Variants in FUS observed in about 807,000 individuals in gnomAD.
The protein encoded by FUS is FUS RNA binding protein.
Under a neutral mutation model 82.7 loss-of-function variants are expected in FUS, and 5 were observed. The ratio of observed to expected loss-of-function variants is 0.06; its 90% CI spans 0.03 to 0.13. The LOEUF is 0.13. Ranked by LOEUF, FUS falls within the 10% of genes least tolerant of loss-of-function variation. The pLI is 1.00. For missense variants in FUS, 512 were observed against 707.8 expected (o/e 0.72, Z 3.14); for synonymous variants, 281 against 247.4 (o/e 1.14, Z -1.27).
intron 1 of FUS, 152 bp downstream of exon 1, chr16:31,180,379 G>A: frequency 2.0e-6 from 2 of 998,236 alleles, no homozygotes; most frequent in Non-Finnish European, 3.0e-6. Flanking sequence ...AACTGGAGGA[G>A]GCTGGTGTCG....
At chr16:31,194,067 G>A (rs2079393468), downstream of FUS, 2 of 534,304 alleles carry the variant, frequency 3.7e-6, no homozygotes, top group African/African-American at 1.9e-5. Flanking sequence ...GAGCTGTGCT[G>A]TAGGTCTGTT....
Position 31,183,958 on chromosome 16 carries a change from C to T in FUS, c.291C>T (p.Tyr97=), listed in dbSNP as rs1052352. The change falls in exon 4 of 15, where the codon TAC becomes TAT. Residue 97 remains tyrosine (Y), a synonymous_variant. Transcript: ENST00000254108. ...CGTCTTACGGGCAGCAGTCCTCCTA[C>T]CCTGGCTATGGCCAGCAGCCAGCTC... ...SQSSYGQQSS[Y]PGYGQQPAPS... 840,130 of 1,613,822 alleles carry T rather than the reference C, an allele frequency of 0.52. 224,732 individuals carry two copies. Among genetic ancestry groups the T allele is most frequent in the East Asian group, 0.79 (35,394 of 44,866 alleles).
chr16:31,194,205 G>A, downstream of FUS: 1 of 530,464 alleles, frequency 1.9e-6, no homozygotes, highest in South Asian at 1.5e-5. Context: ...AGATTGACCA[G>A]GAATTAAGGT....
rs1567469634 is a variant in FUS at position 31,182,575 on chromosome 16, G to A, written c.101G>A (p.Gly34Glu). 3 of 1,614,204 alleles carry A rather than the reference G, an allele frequency of 1.9e-6. No individual in the cohort carries two copies. The highest frequency in any genetic ancestry group is 2.5e-6 in the Non-Finnish European group (3 of 1,180,038). Residue 34 changes from glycine to glutamate, a missense_variant, in exon 3 of 15, where the codon GGA (glycine) becomes GAA (glutamate). Coordinates refer to ENST00000254108, the MANE Select transcript of FUS (RefSeq NM_004960.4). ...GYSQQSSQPY[G>E]QQSYSGYSQS... ...TCCCAGCAGAGCAGTCAGCCCTACG[G>A]ACAGCAGAGTTACAGTGGTTATAGC...
intron 4 of FUS, 49 bp downstream of exon 4, chr16:31,184,051 A>T (rs1377670795): frequency 6.2e-7 from 1 of 1,613,426 alleles, no homozygotes; most frequent in Admixed American, 1.7e-5. Flanking sequence ...GGGTGAATTG[A>T]TGAGGAATGA....
rs955498833 is a variant in FUS, at chr16:31,184,126, C to T, written c.336-83C>T. The T allele has an allele frequency of 1.8e-5, 29 of 1,613,274 alleles. No homozygotes were observed. In the Middle Eastern group the frequency reaches 5.1e-4, roughly 28 times the overall value. On this transcript the variant is annotated intron_variant, in intron 4 of 14. Transcript: ENST00000254108. ...GGGGTAGGGGAGCCTGTGTTGGGTA[C>T]AGAGAATGGACTCCACTAAAAGTGA...
intron 7 of FUS, chr16:31,187,781 C>T (rs1001909530): frequency 4.2e-6 from 1 of 238,082 alleles, no homozygotes; most frequent in Non-Finnish European, 8.3e-6. Context: ...TTAAAAAATA[C>T]AATAGCTATT....
intron 8 of FUS, chr16:31,188,593 A>G: frequency 1.7e-6 from 1 of 592,600 alleles, no homozygotes; most frequent in Non-Finnish European, 3.0e-6. Flanking sequence ...CTGAAAATCT[A>G]CCTTTCTAAC....
chr16:31,192,699 T>G (rs1290783340), downstream of FUS: 3 of 481,472 alleles, frequency 6.2e-6, no homozygotes, highest in Non-Finnish European at 1.2e-5. Flanking sequence ...AGCTTCTGAG[T>G]AGCTGAGACT....
In FUS at chr16:31,190,059, T is replaced by C. The variant is rs145232220; in HGVS notation, c.1086T>C (p.Asn362=). The change falls in exon 11 of 15, where the codon AAT becomes AAC. Residue 362 remains asparagine, a synonymous_variant. Coordinates refer to ENST00000254108, the MANE Select transcript of FUS (RefSeq NM_004960.4). ...CTCTAGGTAAAGAATTCTCCGGAAA[T>C]CCTATCAAGGTCTCATTTGCTACTC... ...DWFDGKEFSG[N]PIKVSFATRR... 2.5e-6 allele frequency: 4 copies of C among 1,613,504 alleles called. No individual in the cohort carries two copies. The African/African-American group carries it at 5.3e-5, about 22-fold the overall frequency.
chr16:31,186,675 T>C, intron 6 of FUS, 127 bp from the exon 7 acceptor site: 2 of 823,544 alleles, frequency 2.4e-6, no homozygotes, highest in Non-Finnish European at 4.2e-6. Context: ...GGATGTATTT[T>C]AGTAGCCACT....
intron 8 of FUS, chr16:31,188,780 A>G: frequency 2.1e-6 from 1 of 467,836 alleles, no homozygotes; most frequent in Non-Finnish European, 3.8e-6. Flanking sequence ...CTAGATTTGA[A>G]TGTAAAATGG....
At chr16:31,188,187 T>A in intron 7 of FUS, 138 bp from the exon 8 acceptor site, 1 of 883,800 alleles carries the variant, frequency 1.1e-6, no homozygotes, top group Non-Finnish European at 1.8e-6. Flanking sequence ...GGAGTGAGGC[T>A]GTGAGCACTT....
chr16:31,190,515 T>C, intron 12 of FUS, 117 bp downstream of exon 12: 1 of 1,514,872 alleles, frequency 6.6e-7, no homozygotes, highest in Admixed American at 1.7e-5. Flanking sequence ...ACTGTTGGGG[T>C]CAGATTTAGC....
At chr16:31,188,799 T>C (rs770366763) in intron 8 of FUS, 4 of 470,694 alleles carry the variant, frequency 8.5e-6, no homozygotes, top group East Asian at 3.7e-5. Context: ...GGGTTTCTTA[T>C]TTAATTCGGG....
At position 31,186,819 on chromosome 16, in the gene FUS, G is replaced by C. The variant is rs764460374; in HGVS notation, c.782G>C (p.Gly261Ala). 8 of 1,614,040 alleles carry C rather than the reference G, an allele frequency of 5.0e-6. No individual in the cohort carries two copies. Among genetic ancestry groups the C allele is most frequent in the Admixed American group, 1.7e-5 (1 of 60,006 alleles). The change falls in exon 7 of 15, where the codon GGC becomes GCC. Residue 261 changes from glycine to alanine, a missense_variant. Gly to Ala is a moderately conservative substitution (Grantham distance 60). This residue lies in a region of FUS where 51 missense variants were observed against 72.2 expected (regional missense o/e 0.71). Transcript: ENST00000254108. ...TTCTCCAGCGGAAGTGACCGTGGTG[G>C]CTTCAATAAATTTGGTGGTAAGTGA... The part of the protein sequence containing the change: ...RGGMGGSDRG[G>A]FNKFGGPRDQ...
downstream of FUS, chr16:31,194,869 G>A (rs1567484120): frequency 4.2e-6 from 2 of 473,442 alleles, no homozygotes; most frequent in Admixed American, 4.7e-5. Flanking sequence ...CATTCAGTAA[G>A]AATAGTGTGT....
chr16:31,188,023 C>G, intron 7 of FUS: 1 of 487,314 alleles, frequency 2.1e-6, no homozygotes, highest in Non-Finnish European at 3.7e-6. Context: ...TCTCCGTTTC[C>G]CCTGCCACCT....
At chr16:31,184,893 C>G (rs1191742098) in intron 5 of FUS, 46 bp from the exon 6 acceptor site, 2 of 1,591,298 alleles carry the variant, frequency 1.3e-6, no homozygotes, top group South Asian at 1.1e-5. Context: ...TGCTACTTTA[C>G]AATCTTTTTG....
Sources: gnomAD v4.1 joint callset for allele counts on GRCh38, gnomAD v4.1.1 for gene constraint, gnomAD v4.1.1 regional missense constraint, MANE v1.5 for transcripts, NCBI Gene and HGNC (gene_info 2026-07-23, HGNC 2026-07-21) for gene names.